SENP6: variants seen among roughly 807,000 people sequenced by gnomAD.
The protein encoded by SENP6 is SUMO specific peptidase 6.
In SENP6, 41 loss-of-function variants were observed where a neutral mutation model predicts 134.5. The observed-to-expected ratio is 0.30, with a 90% CI of 0.24 to 0.40. SENP6 has a LOEUF of 0.40. Among genes scored for constraint, SENP6 ranks in the 10% least tolerant of loss-of-function variants. The probability of loss-of-function intolerance (pLI) is 1.00; values close to 1 mark genes in which losing one functional copy is unlikely to be tolerated. For synonymous variants in SENP6, 395 were observed against 429.8 expected (o/e 0.92, Z 1.00); for missense variants, 1,248 against 1,312.5 (o/e 0.95, Z 0.76).
intron 6 of SENP6, among the ~76,000 whole-genome samples, chr6:75,646,033 TATAC>T (rs1353232694): frequency 6.6e-6 from 1 of 152,240 alleles, no homozygotes; most frequent in Non-Finnish European, 1.5e-5. Context: ...CATCAATCTC[TATAC>T]ATGCATGTAT....
In SENP6 at chr6:75,647,774, G is replaced by A. The variant is rs1218050804; in HGVS notation, c.523G>A (p.Val175Ile). The change falls in exon 7 of 24, where the codon GTA (valine) becomes ATA (isoleucine). Residue 175 changes from valine to isoleucine, a missense_variant. Coordinates refer to ENST00000447266, the MANE Select transcript of SENP6 (RefSeq NM_015571.4). ...PHVQKVEINP[V>I]RLSRLQGVER... is the part of the protein sequence containing the mutation. ...TGTCCAAAAAGTTGAAATTAATCCT[G>A]TAAGGTTAAGTCGGCTCCAAGGTGT... 1 of 1,612,866 alleles carries A rather than the reference G, an allele frequency of 6.2e-7. No homozygotes were observed. The highest frequency in any genetic ancestry group is 1.7e-5 in the Admixed American group (1 of 59,962).
intron 6 of SENP6, among the ~76,000 whole-genome samples, chr6:75,645,963 G>A (rs1770405681): frequency 6.6e-6 from 1 of 152,134 alleles, no homozygotes; most frequent in African/African-American, 2.4e-5. Context: ...TCCCTCATTA[G>A]CAAAGATGGC....
intron 1 of SENP6, among the ~76,000 whole-genome samples, chr6:75,618,400 T>A (rs1292777752): frequency 6.6e-6 from 1 of 152,218 alleles, no homozygotes; most frequent in Non-Finnish European, 1.5e-5. Flanking sequence ...CAAGTTGGCT[T>A]CTGTAACCTT....
chr6:75,689,818 C>T (rs1229382567), intron 16 of SENP6, among the ~76,000 whole-genome samples: 1 of 152,158 alleles, frequency 6.6e-6, no homozygotes, highest in Non-Finnish European at 1.5e-5. Flanking sequence ...TGTATAAGTA[C>T]ACTCGATGAT....
At position 75,633,671 on chromosome 6, in the gene SENP6, A is replaced by G; in HGVS notation, c.298A>G (p.Thr100Ala). 6.2e-7 allele frequency: 1 copy of G among 1,612,682 alleles called. No individual in the cohort carries two copies. Among genetic ancestry groups the G allele is most frequent in the Non-Finnish European group, 8.5e-7 (1 of 1,179,448 alleles). ...VRRNKSESFK[T>A]LKGNPIGLNM... ...ACGAAACAAGTCTGAAAGTTTTAAA[A>G]CTTTGAAAGGCAACCCAATTGGACT... The change falls in exon 4 of 24, where the codon ACT becomes GCT. Residue 100 changes from threonine to alanine, a missense_variant. Around this residue, in one of 3 missense-constraint regions of SENP6, gnomAD observed 733 missense variants for 725.4 expected, o/e 1.01. Coordinates refer to ENST00000447266, the MANE Select transcript of SENP6 (RefSeq NM_015571.4).
rs780366344 is a variant in SENP6 at position 75,663,432 on chromosome 6, G to T, written c.908G>T (p.Gly303Val). ...AAACACACTTATTTACAGACTAATGGAAAAGTCATTTTACCTGGGGCAAAA... is the reference window on the plus strand; with the variant it reads ...AAACACACTTATTTACAGACTAATGTAAAAGTCATTTTACCTGGGGCAAAA... ...DSKHTYLQTN[G>V]KVILPGAKIP... The change falls in exon 9 of 24, where the codon GGA becomes GTA. Residue 303 changes from glycine (G) to valine (V), a missense_variant. Gly to Val is a moderately radical substitution (Grantham distance 109, BLOSUM62 -3). Around this residue, in one of 3 missense-constraint regions of SENP6, gnomAD observed 733 missense variants for 725.4 expected, o/e 1.01. Coordinates refer to ENST00000447266, the MANE Select transcript of SENP6 (RefSeq NM_015571.4). 1.2e-6 allele frequency: 2 copies of T among 1,613,348 alleles called. No homozygotes were observed. Among genetic ancestry groups the T allele is most frequent in the Non-Finnish European group, 8.5e-7 (1 of 1,179,748 alleles).
At chr6:75,676,763 AGT>A in intron 13 of SENP6, 1 of 266,214 alleles carries the variant, frequency 3.8e-6, no homozygotes, top group Non-Finnish European at 7.1e-6. Context: ...GAAGTAAATT[AGT>A]TACATACGTG....
chr6:75,666,256 GATATATATAAA>G (rs1320900121), intron 9 of SENP6, among the ~76,000 whole-genome samples: 88 of 145,048 alleles, frequency 6.1e-4, no homozygotes, highest in Non-Finnish European at 1.2e-3. Context: ...ATATATATAC[GATATATATAAA>G]ATATATATTA....
intron 1 of SENP6, among the ~76,000 whole-genome samples, chr6:75,612,298 CT>C (rs1166841584): frequency 2.0e-5 from 3 of 152,182 alleles, no homozygotes; most frequent in African/African-American, 7.2e-5. Flanking sequence ...CATAAAATTG[CT>C]TTTCGAACAT....
At chr6:75,689,079 C>G (rs527947424) in intron 16 of SENP6, among the ~76,000 whole-genome samples, 3 of 151,846 alleles carry the variant, frequency 2.0e-5, no homozygotes, top group Non-Finnish European at 4.4e-5. Context: ...GAAAAAAATT[C>G]AGCTGGGCAT....
In SENP6 at chr6:75,624,319, C is replaced by T. The variant is rs141970821; in HGVS notation, c.207+359C>T. 9.3e-3 allele frequency among the ~76,000 whole-genome samples: 1,408 copies of T among 152,204 alleles called. 5 individuals carry two copies. The highest frequency in any genetic ancestry group is 0.014 in the Non-Finnish European group (985 of 68,010). On this transcript the variant is annotated intron_variant, in intron 3 of 23. Coordinates refer to ENST00000447266, the MANE Select transcript of SENP6 (RefSeq NM_015571.4). ...TATTATATACCATTAACCAATTCCA[C>T]CTATTGATGGATATTTACAGAGTTG...
At chr6:75,638,590 GTATATATATATATA>G (rs1210762229) in intron 5 of SENP6, among the ~76,000 whole-genome samples, 19 of 61,612 alleles carry the variant, frequency 3.1e-4, no homozygotes, top group East Asian at 1.3e-3. Context: ...GTGTGTGTGT[GTATATATATATATA>G]TATATATATA....
intron 21 of SENP6, among the ~76,000 whole-genome samples, chr6:75,711,644 C>T (rs1242172592): frequency 6.6e-6 from 1 of 152,152 alleles, no homozygotes. Flanking sequence ...CACATGTCCA[C>T]ACACAAATGT....
intron 3 of SENP6, among the ~76,000 whole-genome samples, chr6:75,627,793 A>G (rs1768811156): frequency 6.6e-6 from 1 of 151,984 alleles, no homozygotes; most frequent in African/African-American, 2.4e-5. Flanking sequence ...CTCCTGCCTC[A>G]GTCTCCTGAG....
chr6:75,622,869 C>G (rs1172461630), intron 2 of SENP6: 1 of 1,151,768 alleles, frequency 8.7e-7, no homozygotes, highest in Non-Finnish European at 1.1e-6. Flanking sequence ...GTAAGTCTCT[C>G]ATTTAAAGTC....
chr6:75,705,925 C>CTTTTTTTTTTTTTTTTTTTT (rs71544062), intron 19 of SENP6, among the ~76,000 whole-genome samples: 3 of 47,942 alleles, frequency 6.3e-5, no homozygotes, highest in Non-Finnish European at 1.0e-4. Context: ...ATTTTTGAGC[C>CTTTTTTTTTTTTTTTTTTTT]TTTTTTTTTT....
chr6:75,660,065 A>C lies in SENP6; in HGVS notation c.696+658A>C, dbSNP rs994325483. ...CTGCATTGAATTGCTGCGAATCTTT[A>C]GTCTCTTTCAATAGAAATAATTTCA... On this transcript the variant is annotated intron_variant, in intron 8 of 23. Coordinates refer to ENST00000447266, the MANE Select transcript of SENP6 (RefSeq NM_015571.4). Among the ~76,000 whole-genome samples, 11 of 152,174 alleles carry C rather than the reference A, an allele frequency of 7.2e-5. 1 individual carries two copies. The highest frequency in any genetic ancestry group is 1.5e-5 in the Non-Finnish European group (1 of 68,018).
chr6:75,690,928 C>T (rs962938422), intron 16 of SENP6, among the ~76,000 whole-genome samples: 8 of 151,656 alleles, frequency 5.3e-5, no homozygotes, highest in African/African-American at 1.5e-4. Context: ...GAACTTCTGT[C>T]CTCAAGTGAT....
intron 3 of SENP6, among the ~76,000 whole-genome samples, chr6:75,632,866 T>G (rs1333973987): frequency 1.3e-5 from 2 of 152,128 alleles, no homozygotes; most frequent in Non-Finnish European, 2.9e-5. Context: ...ATTACCAAAT[T>G]AGCACAAATA....
Sources: allele counts gnomAD v4.1 joint callset (sites outside exome capture counted in the v4.1 genomes callset), GRCh38; gene constraint gnomAD v4.1.1; regional missense constraint gnomAD v4.1.1; transcripts MANE v1.5; gene names NCBI Gene and HGNC (gene_info 2026-07-23, HGNC 2026-07-21).